Variants in SFXN4 observed in about 807,000 individuals in gnomAD.
SFXN4 encodes the protein sideroflexin 4, also known as sideroflexin-4.
Under a neutral mutation model 54.6 loss-of-function variants are expected in SFXN4, and 48 were observed. The ratio of observed to expected loss-of-function variants is 0.88; its 90% CI spans 0.70 to 1.12. SFXN4 has a LOEUF of 1.12. Among genes scored for constraint, SFXN4 ranks in the 50% most tolerant of loss-of-function variants. SFXN4 has a pLI of 0.00. For synonymous variants in SFXN4, 130 were observed against 145.5 expected, an observed-to-expected ratio of 0.89 and a Z score of 0.77; for missense variants, 383 against 409.2, an observed-to-expected ratio of 0.94 and a Z score of 0.55.
intron 10 of SFXN4, among the ~76,000 whole-genome samples, 171 bp downstream of exon 10, chr10:119,156,507 A>C (rs1250902142): frequency 6.6e-6 from 1 of 152,108 alleles, no homozygotes; most frequent in Non-Finnish European, 1.5e-5. Flanking sequence ...AGAAAGTGTC[A>C]CCTCTCAAAC....
chr10:119,146,610 C>G (rs1332440386), intron 12 of SFXN4, among the ~76,000 whole-genome samples: 1 of 152,002 alleles, frequency 6.6e-6, no homozygotes, highest in Non-Finnish European at 1.5e-5. Context: ...CCTCTGTCGC[C>G]CAGGCTGGAG....
At chr10:119,160,990 G>A in intron 4 of SFXN4, 21 bp from the exon 5 acceptor site, 1 of 1,614,142 alleles carries the variant, frequency 6.2e-7, no homozygotes, top group Non-Finnish European at 8.5e-7. Flanking sequence ...AGAGATGCAA[G>A]GTTAGCTGGA....
At chr10:119,144,561 TAAAAAA>T (rs58101886) in intron 13 of SFXN4, among the ~76,000 whole-genome samples, 1 of 147,510 alleles carries the variant, frequency 6.8e-6, no homozygotes, top group Non-Finnish European at 1.5e-5. Context: ...CTTTCTGACT[TAAAAAA>T]AAAAAAATGT....
At chr10:119,156,539 G>A (rs1229753074) in intron 10 of SFXN4, 139 bp downstream of exon 10, 1 of 688,520 alleles carries the variant, frequency 1.5e-6, no homozygotes, top group Non-Finnish European at 2.5e-6. Context: ...TTTGGGCTTG[G>A]GGGCCTGCCG....
At chr10:119,153,864 G>A (rs1847171401) in intron 11 of SFXN4, among the ~76,000 whole-genome samples, 1 of 152,182 alleles carries the variant, frequency 6.6e-6, no homozygotes, top group African/African-American at 2.4e-5. Flanking sequence ...GGGCACGTCT[G>A]CAATCAGCTC....
intron 11 of SFXN4, among the ~76,000 whole-genome samples, chr10:119,151,955 C>CAGT (rs1242497009): frequency 6.6e-6 from 1 of 152,024 alleles, no homozygotes; most frequent in African/African-American, 2.4e-5. Context: ...GCTGGGACTA[C>CAGT]AGATGCACCC....
chr10:119,160,630 C>G (rs1341195414), intron 5 of SFXN4, among the ~76,000 whole-genome samples: 1 of 141,852 alleles, frequency 7.0e-6, no homozygotes, highest in Non-Finnish European at 1.5e-5. Flanking sequence ...ACTCTTGTTG[C>G]CCAGGCTGGA....
intron 11 of SFXN4, among the ~76,000 whole-genome samples, chr10:119,149,871 T>C (rs1846985029): frequency 6.6e-6 from 1 of 152,256 alleles, no homozygotes; most frequent in South Asian, 2.1e-4. Context: ...GGCCCGCCTC[T>C]CTCCCTTAGT....
In SFXN4 at chr10:119,141,192, A is replaced by G. The variant is rs1346013845; in HGVS notation, c.*50T>C. On this transcript the variant is annotated 3_prime_UTR_variant, in exon 14 of 14. Transcript: ENST00000355697. ...AAAGTTCTCTAAACCGAACCTGGAG[A>G]GGGGAAGGTTTTCAAGCAGGAACCA... 1.4e-6 allele frequency: 2 copies of G among 1,381,982 alleles called. No homozygotes were observed. The highest frequency in any genetic ancestry group is 1.8e-5 in the Admixed American group (1 of 55,290). The allele number at this position is 1,381,982 out of a possible 1,614,324, so 85.6% of individuals were successfully genotyped here.
At chr10:119,145,835 A>T (rs535493925) in intron 13 of SFXN4, among the ~76,000 whole-genome samples, 3 of 151,970 alleles carry the variant, frequency 2.0e-5, no homozygotes, top group African/African-American at 7.2e-5. Flanking sequence ...TTATTATTTT[A>T]TTTTTTTGAA....
At chr10:119,147,696 C>G in intron 12 of SFXN4, 79 bp downstream of exon 12, 2 of 1,236,350 alleles carry the variant, frequency 1.6e-6, no homozygotes, top group Non-Finnish European at 2.4e-6. Context: ...CCCCACCCTC[C>G]ACCAGGGTCA....
At chr10:119,153,019 T>A (rs1847134011) in intron 11 of SFXN4, among the ~76,000 whole-genome samples, 1 of 152,178 alleles carries the variant, frequency 6.6e-6, no homozygotes, top group Non-Finnish European at 1.5e-5. Context: ...GCTAAAAACA[T>A]ATTATTTTAA....
rs1327739886 is a variant in SFXN4 at position 119,164,167 on chromosome 10, T to G, written c.141A>C (p.Thr47=). Residue 47 remains threonine, a synonymous_variant, in exon 2 of 14, where the codon ACA becomes ACC. Transcript: ENST00000355697. ...QSFIRRFLQW[T]ELLDPTNVFI... ...ACACATTTGTAGGATCTAATAATTCTGTCCATTGAAGAAATCGTCGAATAA... is the reference window on the plus strand; with the variant it reads ...ACACATTTGTAGGATCTAATAATTCGGTCCATTGAAGAAATCGTCGAATAA... The G allele has an allele frequency of 2.5e-6, 4 of 1,596,400 alleles. No homozygotes were observed. In the Admixed American group the frequency reaches 5.2e-5, roughly 21 times the overall value.
intron 13 of SFXN4, among the ~76,000 whole-genome samples, chr10:119,144,573 A>G (rs75135930): frequency 1.3e-5 from 2 of 152,130 alleles, no homozygotes; most frequent in African/African-American, 2.4e-5. Flanking sequence ...AAAAAAAAAA[A>G]ATGTCCTTGC....
chr10:119,141,883 T>C (rs1040106090), intron 13 of SFXN4, among the ~76,000 whole-genome samples: 1 of 152,036 alleles, frequency 6.6e-6, no homozygotes, highest in African/African-American at 2.4e-5. Flanking sequence ...CTGGGTGTGG[T>C]GGCACACACC....
At chr10:119,165,470 C>A in intron 1 of SFXN4, 67 bp downstream of exon 1, 1 of 1,461,214 alleles carries the variant, frequency 6.8e-7, no homozygotes, top group Non-Finnish European at 9.0e-7. Context: ...TCACCCGGGT[C>A]AGCCCGACTC....
chr10:119,146,264 G>GA lies in SFXN4; in HGVS notation c.907dup (p.Ser303PhefsTer3), dbSNP rs1313174698. 6.2e-7 allele frequency: 1 copy of GA among 1,611,840 alleles called. No individual in the cohort carries two copies. The highest frequency in any genetic ancestry group is 1.7e-5 in the Admixed American group (1 of 59,880). On this transcript the variant is annotated frameshift_variant, in exon 13 of 14. Transcript: ENST00000355697. LOFTEE classifies it high-confidence loss of function. The stretch of plus-strand genomic sequence containing the variant: ...TCCAATCTGTGGAAATATACTAAAA[G>GA]AAAATGGCACCATCAGTCCCATTGC...
At chr10:119,147,633 C>T (rs535658100) in intron 12 of SFXN4, 142 bp downstream of exon 12, 19 of 654,274 alleles carry the variant, frequency 2.9e-5, no homozygotes, top group South Asian at 5.7e-5. Context: ...ACAATCAATC[C>T]GCCTGTCTTA....
intron 2 of SFXN4, among the ~76,000 whole-genome samples, chr10:119,163,623 G>A (rs368345550): frequency 1.3e-5 from 2 of 151,730 alleles, no homozygotes; most frequent in East Asian, 2.0e-4. Context: ...GGCTGGTCTC[G>A]AATTCCTGAC....
Sources: allele counts gnomAD v4.1 joint callset (sites outside exome capture counted in the v4.1 genomes callset), GRCh38; gene constraint gnomAD v4.1.1; transcripts MANE v1.5; gene names NCBI Gene and HGNC (gene_info 2026-07-23, HGNC 2026-07-21).